CD2AP: variants seen among roughly 807,000 people sequenced by gnomAD.
The protein encoded by CD2AP is CD2-associated protein.
Under a neutral mutation model 85.1 loss-of-function variants are expected in CD2AP, and 46 were observed. The ratio of observed to expected loss-of-function variants is 0.54; its 90% CI spans 0.43 to 0.69. The LOEUF (loss-of-function observed/expected upper bound fraction) is 0.69, where lower values mean the gene tolerates loss of function less well. CD2AP is among the 30% of genes least tolerant of loss of function. The pLI, the probability that CD2AP is intolerant of heterozygous loss-of-function variation, is 0.00. For missense variants in CD2AP, 769 were observed against 729.5 expected, an observed-to-expected ratio of 1.05 and a Z score of -0.62; for synonymous variants, 255 against 252.9, an observed-to-expected ratio of 1.01 and a Z score of -0.08.
chr6:47,499,357 T>C (rs1765946576), intron 1 of CD2AP, among the ~76,000 whole-genome samples: 1 of 152,110 alleles, frequency 6.6e-6, no homozygotes, highest in Non-Finnish European at 1.5e-5. Flanking sequence ...TATACATACA[T>C]GTATACATAT....
intron 1 of CD2AP, among the ~76,000 whole-genome samples, chr6:47,482,676 C>T (rs984892997): frequency 1.3e-5 from 2 of 152,014 alleles, no homozygotes; most frequent in African/African-American, 4.8e-5. Context: ...CCTTGCCCAG[C>T]GTGTATCTTT....
At position 47,620,625 on chromosome 6, in the gene CD2AP, A is replaced by G. The variant is rs1039691967; in HGVS notation, c.1879-3561A>G. 3.3e-5 allele frequency among the ~76,000 whole-genome samples: 5 copies of G among 152,144 alleles called. No individual in the cohort carries two copies. The East Asian group carries it at 9.6e-4, about 29-fold the overall frequency. On this transcript the variant is annotated intron_variant, in intron 17 of 17. Coordinates refer to ENST00000359314, the MANE Select transcript of CD2AP (RefSeq NM_012120.3). ...TTGATGGGAATTGCCTTGAATTTGTACATGGCTTTTGACAGTATGGTCATT... is the reference window on the plus strand; with the variant it reads ...TTGATGGGAATTGCCTTGAATTTGTGCATGGCTTTTGACAGTATGGTCATT...
intron 1 of CD2AP, among the ~76,000 whole-genome samples, chr6:47,482,643 A>G (rs960872876): frequency 4.6e-5 from 7 of 152,094 alleles, no homozygotes; most frequent in Non-Finnish European, 8.8e-5. Flanking sequence ...CTTCCAAAGT[A>G]CTGGGATTAT....
chr6:47,492,046 T>G (rs1324318947), intron 1 of CD2AP, among the ~76,000 whole-genome samples: 1 of 152,238 alleles, frequency 6.6e-6, no homozygotes, highest in Non-Finnish European at 1.5e-5. Context: ...TTGTGTTGTT[T>G]GTTGCAAGTA....
At chr6:47,539,860 A>C (rs1417976063) in intron 3 of CD2AP, among the ~76,000 whole-genome samples, 1 of 152,110 alleles carries the variant, frequency 6.6e-6, no homozygotes, top group African/African-American at 2.4e-5. Context: ...TAGAACTGGA[A>C]AGTATTAAAG....
At position 47,625,864 on chromosome 6, in the gene CD2AP, C is replaced by T. The variant is rs1401065905; in HGVS notation, c.*1637C>T. On this transcript the variant is annotated 3_prime_UTR_variant, in exon 18 of 18. Coordinates refer to ENST00000359314, the MANE Select transcript of CD2AP (RefSeq NM_012120.3). ...TATATATTGAGAATATACATTAGAA[C>T]TCTTCAAAATGGGCTCTTCTAATGA... The T allele has an allele frequency of 6.6e-6, 1 of 151,796 alleles. No individual in the cohort carries two copies. The highest frequency in any genetic ancestry group is 1.5e-5 in the Non-Finnish European group (1 of 67,762). The allele number at this position is 151,796 out of a possible 1,614,324, so 9.4% of individuals were successfully genotyped here.
intron 2 of CD2AP, among the ~76,000 whole-genome samples, chr6:47,507,964 A>G (rs1353311217): frequency 6.6e-6 from 1 of 152,212 alleles, no homozygotes; most frequent in Admixed American, 6.5e-5. Context: ...ATTACTCAAT[A>G]AACCATGCTG....
intron 13 of CD2AP, among the ~76,000 whole-genome samples, chr6:47,603,277 A>G (rs950035921): frequency 1.3e-5 from 2 of 152,118 alleles, no homozygotes; most frequent in South Asian, 2.1e-4. Context: ...TCATATTTTT[A>G]TAGTGAGATA....
At chr6:47,481,518 G>A (rs964048650) in intron 1 of CD2AP, among the ~76,000 whole-genome samples, 5 of 152,008 alleles carry the variant, frequency 3.3e-5, no homozygotes, top group African/African-American at 1.2e-4. Flanking sequence ...GCTAATTTTT[G>A]CATTTTTAGT....
intron 2 of CD2AP, among the ~76,000 whole-genome samples, chr6:47,525,638 T>C (rs1045359394): frequency 6.6e-6 from 1 of 152,200 alleles, no homozygotes; most frequent in Non-Finnish European, 1.5e-5. Context: ...TTTAGTTGTT[T>C]GTTTTGGTTA....
chr6:47,527,836 C>T (rs979603879), intron 2 of CD2AP, among the ~76,000 whole-genome samples: 5 of 152,118 alleles, frequency 3.3e-5, no homozygotes, highest in African/African-American at 1.2e-4. Flanking sequence ...TAGTTTTCTA[C>T]CCAGAGTTAC....
At chr6:47,610,949 T>TTATATGTATGTA (rs1440078108) in intron 16 of CD2AP, among the ~76,000 whole-genome samples, 1 of 114,244 alleles carries the variant, frequency 8.8e-6, no homozygotes, top group African/African-American at 3.7e-5. Flanking sequence ...TATTTCTGAT[T>TTATATGTATGTA]TATATATATA....
intron 4 of CD2AP, among the ~76,000 whole-genome samples, chr6:47,548,763 C>T (rs1325937649): frequency 6.6e-6 from 1 of 152,108 alleles, no homozygotes; most frequent in Non-Finnish European, 1.5e-5. Flanking sequence ...AAGAAAACTA[C>T]AGACCAATAT....
Position 47,533,764 on chromosome 6 carries a change from A to G in CD2AP, c.319+9A>G. On this transcript the variant is annotated intron_variant, in intron 3 of 17. Transcript: ENST00000359314. ...CAAAAACATTAAGAAGAGTATGTAAATAATTCCTTTCCTGCATAATTACAT... is the reference window on the plus strand; with the variant it reads ...CAAAAACATTAAGAAGAGTATGTAAGTAATTCCTTTCCTGCATAATTACAT... The G allele has an allele frequency of 6.2e-7, 1 of 1,613,208 alleles. No individual in the cohort carries two copies. The highest frequency in any genetic ancestry group is 1.1e-5 in the South Asian group (1 of 90,940).
chr6:47,602,816 C>T (rs966245623), intron 13 of CD2AP, among the ~76,000 whole-genome samples: 1 of 151,262 alleles, frequency 6.6e-6, no homozygotes, highest in Non-Finnish European at 1.5e-5. Context: ...GAGAGGGTTT[C>T]TTAAAGCTGA....
chr6:47,517,751 C>T (rs1031209695), intron 2 of CD2AP, among the ~76,000 whole-genome samples: 2 of 152,044 alleles, frequency 1.3e-5, no homozygotes, highest in Non-Finnish European at 2.9e-5. Context: ...GGTATTTAGA[C>T]TTTGGAGCCT....
chr6:47,478,654 C>T (rs1348842097), intron 1 of CD2AP, among the ~76,000 whole-genome samples: 2 of 152,206 alleles, frequency 1.3e-5, no homozygotes, highest in African/African-American at 2.4e-5. Flanking sequence ...GATAAAGTAG[C>T]ACTTTCAACT....
chr6:47,532,292 A>G (rs2114023549), intron 2 of CD2AP, among the ~76,000 whole-genome samples: 1 of 151,108 alleles, frequency 6.6e-6, no homozygotes, highest in East Asian at 1.9e-4. Flanking sequence ...GCAGTGAGCC[A>G]TGATCATGCC....
At chr6:47,566,685 A>C (rs1218391902) in intron 5 of CD2AP, among the ~76,000 whole-genome samples, 1 of 151,430 alleles carries the variant, frequency 6.6e-6, no homozygotes, top group Non-Finnish European at 1.5e-5. Context: ...TCATTGTTCA[A>C]CTCCCACTAA....
Sources: gnomAD v4.1 joint callset for allele counts (sites outside exome capture counted in the v4.1 genomes callset) on GRCh38, gnomAD v4.1.1 for gene constraint, MANE v1.5 for transcripts, NCBI Gene and HGNC (gene_info 2026-07-23, HGNC 2026-07-21) for gene names.